The following PRMT8 variants were observed in gnomAD, a reference collection of about 807,000 sequenced individuals.
The protein encoded by PRMT8 is protein arginine methyltransferase 8, also known as protein arginine N-methyltransferase 8.
A neutral mutation model predicts 47.1 loss-of-function variants in PRMT8; 7 were observed. That is an observed-to-expected ratio of 0.15 (90% CI 0.08 to 0.28). The LOEUF is 0.28. PRMT8 is among the 10% of genes least tolerant of loss of function. PRMT8 has a pLI of 1.00. For missense variants in PRMT8, 237 were observed against 505.4 expected, an observed-to-expected ratio of 0.47 and a Z score of 5.09; for synonymous variants, 188 against 186.5, an observed-to-expected ratio of 1.01 and a Z score of -0.07.
In PRMT8 at chr12:3,419,544, C is replaced by T. The variant is rs1012235127; in HGVS notation, c.48+38102C>T. Among the ~76,000 whole-genome samples, 7 of 152,130 alleles carry T rather than the reference C, an allele frequency of 4.6e-5. 1 individual carries two copies. Among genetic ancestry groups the T allele is most frequent in the Non-Finnish European group, 1.0e-4 (7 of 68,010 alleles). ...GCTTGACTTCTCCCCTTTGCCCCCT[C>T]GCCACCCACCCCTTGCCTAAGCAAT... is the stretch of plus-strand genomic sequence containing the variant. On this transcript the variant is annotated intron_variant, in intron 1 of 9. Coordinates refer to the PRMT8 transcript ENST00000452611.
intron 1 of PRMT8, among the ~76,000 whole-genome samples, chr12:3,483,232 C>G (rs1050967004): frequency 6.6e-6 from 1 of 152,174 alleles, no homozygotes; most frequent in Non-Finnish European, 1.5e-5. Flanking sequence ...CTGATGATAC[C>G]AGGCTCCCTC....
At chr12:3,428,319 CT>C (rs1159552421) in intron 1 of PRMT8, among the ~76,000 whole-genome samples, 4 of 150,778 alleles carry the variant, frequency 2.7e-5, no homozygotes, top group Admixed American at 2.0e-4. Context: ...TTTGTCCCCG[CT>C]TTTTTTTTCC....
rs1490118636 is a variant in PRMT8, at chr12:3,432,393, C to G, written c.48+50951C>G. On this transcript the variant is annotated intron_variant, in intron 1 of 9. Transcript: ENST00000452611. Reference sequence around the variant, plus strand: ...AGACACACGCTCAAGGAACTTAACTCTCTTGTTTGGGCAGAATGGAAACAC... The same window carrying G: ...AGACACACGCTCAAGGAACTTAACTGTCTTGTTTGGGCAGAATGGAAACAC... Among the ~76,000 whole-genome samples, 3 of 152,336 alleles carry G rather than the reference C, an allele frequency of 2.0e-5. No individual in the cohort carries two copies. The East Asian group carries it at 5.8e-4, about 29-fold the overall frequency.
intron 1 of PRMT8, among the ~76,000 whole-genome samples, chr12:3,393,279 G>GGAAGGCAAAAATTATTTGTACAA (rs1864214139): frequency 6.6e-6 from 1 of 151,710 alleles, no homozygotes; most frequent in African/African-American, 2.4e-5. Context: ...TAGACATGAA[G>GGAAGGCAAAAATTATTTGTACAA]TCCTTGCCCA....
chr12:3,455,590 A>G (rs1864965887), intron 1 of PRMT8, among the ~76,000 whole-genome samples: 1 of 152,128 alleles, frequency 6.6e-6, no homozygotes, highest in Non-Finnish European at 1.5e-5. Context: ...GTGTGCATGG[A>G]GGAGGCACCA....
chr12:3,413,338 G>A (rs2137057112), intron 1 of PRMT8, among the ~76,000 whole-genome samples: 1 of 152,248 alleles, frequency 6.6e-6, no homozygotes, highest in South Asian at 2.1e-4. Context: ...ATGATGGTGA[G>A]GCCTCCCCAG....
chr12:3,491,251 C>T lies in PRMT8; in HGVS notation c.-375C>T, dbSNP rs1255748405. The T allele has an allele frequency of 3.0e-5, 31 of 1,024,284 alleles. No individual in the cohort carries two copies. Among genetic ancestry groups the T allele is most frequent in the Admixed American group, 5.4e-5 (1 of 18,572 alleles). 63.4% of individuals were successfully genotyped at this position (1,024,284 alleles called of 1,614,324 possible). A position where few individuals can be genotyped will look rare whatever the true frequency, so the allele number is the denominator to read the frequency against. ...AGTTGAGAGGAGTTGGCGGCTGCCT[C>T]CGGCCGGCCGGACTTTGCGAGCAGC... On this transcript the variant is annotated 5_prime_UTR_variant, in exon 1 of 10. Coordinates refer to ENST00000382622, the MANE Select transcript of PRMT8 (RefSeq NM_019854.5).
chr12:3,434,397 G>A (rs566445768), intron 1 of PRMT8, among the ~76,000 whole-genome samples: 4 of 152,224 alleles, frequency 2.6e-5, no homozygotes, highest in African/African-American at 9.6e-5. Context: ...GCAGGCCACC[G>A]TTCTCCTTGC....
At chr12:3,391,238 C>A (rs900470552) in intron 1 of PRMT8, among the ~76,000 whole-genome samples, 12 of 152,202 alleles carry the variant, frequency 7.9e-5, no homozygotes, top group African/African-American at 2.9e-4. Flanking sequence ...AGCTTGCAAT[C>A]CACTGGAGGG....
chr12:3,403,897 AAG>A (rs1274833702), intron 1 of PRMT8, among the ~76,000 whole-genome samples: 2,692 of 133,586 alleles, frequency 0.02, 703 homozygotes, highest in Middle Eastern at 0.034. Flanking sequence ...AAAAAAAAAA[AAG>A]AGAGAGAAAA....
At chr12:3,399,152 C>G (rs1050324097) in intron 1 of PRMT8, among the ~76,000 whole-genome samples, 1 of 152,182 alleles carries the variant, frequency 6.6e-6, no homozygotes, top group Admixed American at 6.5e-5. Flanking sequence ...CATTGTGGAG[C>G]AGGCCTGAGC....
Position 3,521,425 on chromosome 12 carries a change from TTA to T in PRMT8, c.76-19180_76-19179del, listed in dbSNP as rs556807632. 2.6e-5 allele frequency among the ~76,000 whole-genome samples: 4 copies of T among 151,978 alleles called. No homozygotes were observed. The South Asian group carries it at 8.3e-4, about 32-fold the overall frequency. On this transcript the variant is annotated intron_variant, in intron 1 of 9. Transcript: ENST00000382622. ...CCCGTCTCTACTAAAAATACAAAAA[TTA>T]GCTGGGCATGGTGGCAGGCACCTGT...
intron 1 of PRMT8, among the ~76,000 whole-genome samples, chr12:3,437,631 T>C (rs1486559143): frequency 1.9e-5 from 2 of 104,252 alleles, no homozygotes; most frequent in Non-Finnish European, 4.1e-5. Flanking sequence ...GCTATATATA[T>C]ATATATATAT....
intron 1 of PRMT8, among the ~76,000 whole-genome samples, chr12:3,454,047 C>T (rs1398146577): frequency 1.3e-5 from 2 of 152,174 alleles, no homozygotes; most frequent in Non-Finnish European, 2.9e-5. Context: ...TCAGCCTAGC[C>T]CAGCCTCTAG....
chr12:3,574,337 T>C (rs1866901903), intron 6 of PRMT8, among the ~76,000 whole-genome samples: 2 of 152,216 alleles, frequency 1.3e-5, no homozygotes, highest in African/African-American at 4.8e-5. Context: ...ATGGTTGGAA[T>C]TGTCTGTATA....
chr12:3,479,079 C>T (rs529942086), intron 1 of PRMT8, among the ~76,000 whole-genome samples: 1 of 152,306 alleles, frequency 6.6e-6, no homozygotes, highest in African/African-American at 2.4e-5. Flanking sequence ...TGGGAAGTGG[C>T]CTGGATTCCC....
rs560616046 is a variant in PRMT8, at chr12:3,580,531, G to A, written c.829-2527G>A. Among the ~76,000 whole-genome samples the A allele has an allele frequency of 1.3e-5, 2 of 152,312 alleles. No individual in the cohort carries two copies. Among genetic ancestry groups the A allele is most frequent in the Non-Finnish European group, 2.9e-5 (2 of 68,034 alleles). Reference sequence around the variant, plus strand: ...AGTAAGTCTTCAAGCAGGGAGACCTGTTCTGAGAAGAAGATTGATGAGTCA... The same window carrying A: ...AGTAAGTCTTCAAGCAGGGAGACCTATTCTGAGAAGAAGATTGATGAGTCA... On this transcript the variant is annotated intron_variant, in intron 7 of 9. Coordinates refer to ENST00000382622, the MANE Select transcript of PRMT8 (RefSeq NM_019854.5). This position sits in a 1 kb window ranked among gnomAD's most constrained non-coding sequence, Gnocchi z 4.6.
chr12:3,485,951 T>C (rs1865318435), intron 1 of PRMT8, among the ~76,000 whole-genome samples: 1 of 152,172 alleles, frequency 6.6e-6, no homozygotes, highest in Admixed American at 6.5e-5. Flanking sequence ...AATCACAGCT[T>C]TGTTTTACCA....
intron 1 of PRMT8, among the ~76,000 whole-genome samples, chr12:3,533,833 A>G (rs920416304): frequency 6.6e-6 from 1 of 152,234 alleles, no homozygotes; most frequent in African/African-American, 2.4e-5. Context: ...GCTGCCTGAC[A>G]TTTCACATAA....
Sources: gnomAD v4.1 joint callset for allele counts (sites outside exome capture counted in the v4.1 genomes callset) on GRCh38, gnomAD v4.1.1 for gene constraint, Gnocchi (gnomAD v3.1) non-coding constraint, MANE v1.5 for transcripts, NCBI Gene and HGNC (gene_info 2026-07-23, HGNC 2026-07-21) for gene names.